ZBTB20: variants seen among roughly 807,000 people sequenced by gnomAD.
ZBTB20 encodes the protein zinc finger and BTB domain containing 20.
In ZBTB20, 9 loss-of-function variants were observed where a neutral mutation model predicts 56.9. The observed-to-expected ratio is 0.16, with a 90% confidence interval of 0.10 to 0.28. ZBTB20 has a LOEUF of 0.28. Among genes scored for constraint, ZBTB20 ranks in the 10% least tolerant of loss-of-function variants. The pLI is 1.00. For missense variants in ZBTB20, 655 were observed against 1,003.0 expected (o/e 0.65, Z 4.69); for synonymous variants, 417 against 420.7 (o/e 0.99, Z 0.11).
intron 7 of ZBTB20, among the ~76,000 whole-genome samples, chr3:114,429,164 T>C (rs2089937528): frequency 1.3e-5 from 2 of 152,314 alleles, no homozygotes; most frequent in Middle Eastern, 3.4e-3. Flanking sequence ...CTGAACTCTG[T>C]GTGCAAGTAT....
chr3:114,643,460 A>G (rs1397656585), intron 6 of ZBTB20, among the ~76,000 whole-genome samples: 3 of 152,156 alleles, frequency 2.0e-5, no homozygotes, highest in Admixed American at 6.5e-5. Context: ...GCTGTGTTGC[A>G]CATTCTTCAA....
At chr3:114,637,566 C>A (rs956962434) in intron 6 of ZBTB20, among the ~76,000 whole-genome samples, 1 of 152,084 alleles carries the variant, frequency 6.6e-6, no homozygotes, top group Admixed American at 6.6e-5. Context: ...GGTATTTCCA[C>A]AGGAGACCTA....
chr3:114,374,821 T>C (rs973932228), intron 10 of ZBTB20, among the ~76,000 whole-genome samples: 1 of 152,252 alleles, frequency 6.6e-6, no homozygotes, highest in Non-Finnish European at 1.5e-5. Flanking sequence ...TCTTCAGTTA[T>C]AAACACTGCC....
At chr3:114,576,501 C>CAAAAAAAAAAAAAAAAA (rs61714991) in intron 6 of ZBTB20, among the ~76,000 whole-genome samples, 1 of 24,112 alleles carries the variant, frequency 4.1e-5, no homozygotes, top group Non-Finnish European at 7.7e-5. Context: ...GACTCCGTCT[C>CAAAAAAAAAAAAAAAAA]AAAAAAAAAA....
At chr3:114,508,450 C>T (rs762405391) in intron 6 of ZBTB20, among the ~76,000 whole-genome samples, 1 of 152,050 alleles carries the variant, frequency 6.6e-6, no homozygotes, top group African/African-American at 2.4e-5. Context: ...TATCTATGGC[C>T]CAGATTTGGA....
chr3:114,427,910 C>G (rs2089820008), intron 7 of ZBTB20, among the ~76,000 whole-genome samples: 1 of 152,178 alleles, frequency 6.6e-6, no homozygotes, highest in South Asian at 2.1e-4. Flanking sequence ...GTCAATGTGA[C>G]TCTGAGAGAG....
intron 6 of ZBTB20, among the ~76,000 whole-genome samples, chr3:114,617,403 A>C (rs1206158454): frequency 6.6e-6 from 1 of 152,076 alleles, no homozygotes; most frequent in Non-Finnish European, 1.5e-5. Context: ...CCCAGCACGG[A>C]TTTATCAGCT....
intron 3 of ZBTB20, among the ~76,000 whole-genome samples, chr3:114,957,028 G>A (rs2077270748): frequency 6.6e-6 from 1 of 152,158 alleles, no homozygotes; most frequent in East Asian, 1.9e-4. Context: ...GCAACAGAGG[G>A]CAAAGGTGGC....
chr3:115,146,054 C>T (rs948498747), intron 1 of ZBTB20, among the ~76,000 whole-genome samples: 1 of 152,142 alleles, frequency 6.6e-6, no homozygotes, highest in Admixed American at 6.5e-5. Context: ...AGAAAGGTAA[C>T]ATGTTCAACT....
intron 3 of ZBTB20, among the ~76,000 whole-genome samples, chr3:114,948,658 T>C (rs2076965790): frequency 6.9e-6 from 1 of 145,734 alleles, no homozygotes; most frequent in Non-Finnish European, 1.5e-5. Context: ...GATAGATAGA[T>C]ATGAATTGTT....
intron 7 of ZBTB20, among the ~76,000 whole-genome samples, chr3:114,461,353 G>A (rs1319083720): frequency 6.6e-6 from 1 of 151,110 alleles, no homozygotes. Context: ...AGGCTGGAGT[G>A]CACTGGTGGT....
chr3:114,456,082 C>T (rs1405650483), intron 7 of ZBTB20, among the ~76,000 whole-genome samples: 2 of 152,082 alleles, frequency 1.3e-5, no homozygotes, highest in Non-Finnish European at 2.9e-5. Context: ...AAGAAGATTA[C>T]TCCACCTATA....
chr3:114,708,319 T>C (rs2063840325), intron 5 of ZBTB20, among the ~76,000 whole-genome samples: 1 of 152,022 alleles, frequency 6.6e-6, no homozygotes, highest in African/African-American at 2.4e-5. Context: ...ATCAAATCAC[T>C]TTTGGAAGAA....
intron 5 of ZBTB20, among the ~76,000 whole-genome samples, chr3:114,699,789 A>T (rs1408984454): frequency 6.6e-6 from 1 of 152,078 alleles, no homozygotes; most frequent in South Asian, 2.1e-4. Flanking sequence ...ATGATTCTTA[A>T]AAGTGGATGA....
intron 4 of ZBTB20, among the ~76,000 whole-genome samples, chr3:114,845,821 A>C (rs189050653): frequency 1.4e-4 from 22 of 152,312 alleles, no homozygotes; most frequent in Admixed American, 6.5e-5. Context: ...ATATTATGCG[A>C]AACACTAAAT....
At chr3:114,958,303 C>G (rs1291231352) in intron 3 of ZBTB20, among the ~76,000 whole-genome samples, 1 of 152,154 alleles carries the variant, frequency 6.6e-6, no homozygotes. Context: ...TTTCTTACTT[C>G]CTGTAACTTA....
chr3:114,433,213 G>A (rs775192886), intron 7 of ZBTB20, among the ~76,000 whole-genome samples: 2 of 152,266 alleles, frequency 1.3e-5, no homozygotes, highest in East Asian at 1.9e-4. Flanking sequence ...TCATGACCAC[G>A]TCTAAGCTCA....
chr3:114,876,969 C>A (rs1207673265), intron 4 of ZBTB20, among the ~76,000 whole-genome samples: 1 of 152,134 alleles, frequency 6.6e-6, no homozygotes, highest in Non-Finnish European at 1.5e-5. Context: ...TGCTCCTAAA[C>A]AGAACTATGC....
At chr3:114,962,176 A>C (rs534185855) in intron 3 of ZBTB20, among the ~76,000 whole-genome samples, 4 of 147,708 alleles carry the variant, frequency 2.7e-5, no homozygotes, top group African/African-American at 8.1e-5. Context: ...CACAGTTGCT[A>C]TATTCTTCTG....
Sources: allele counts gnomAD v4.1 joint callset (sites outside exome capture counted in the v4.1 genomes callset), GRCh38; gene constraint gnomAD v4.1.1; transcripts MANE v1.5; gene names NCBI Gene and HGNC (gene_info 2026-07-23, HGNC 2026-07-21).